Variants in MCPH1 observed in about 807,000 individuals in gnomAD.
The protein encoded by MCPH1 is microcephalin 1.
MCPH1 carries 104 observed loss-of-function variants against 84.5 expected under a neutral mutation model. The ratio of observed to expected loss-of-function variants is 1.23; its 90% CI spans 1.05 to 1.45. The LOEUF (loss-of-function observed/expected upper bound fraction) is 1.45. Ranked by LOEUF, MCPH1 falls within the 40% of genes most tolerant of loss-of-function variation. The probability of loss-of-function intolerance (pLI) is 0.00; values close to 1 mark genes in which losing one functional copy is unlikely to be tolerated. For missense variants in MCPH1, 1,498 were observed against 1,005.7 expected (o/e 1.49, Z -6.62); for synonymous variants, 514 against 366.8 (o/e 1.40, Z -4.58).
chr8:6,480,986 G>GCT, intron 11 of MCPH1, 110 bp downstream of exon 11: 1 of 1,282,084 alleles, frequency 7.8e-7, no homozygotes, highest in Non-Finnish European at 1.1e-6. Context: ...TTGTGGATCT[G>GCT]CACACTTTCC....
At chr8:6,601,724 C>G (rs1829385201) in intron 12 of MCPH1, among the ~76,000 whole-genome samples, 1 of 148,108 alleles carries the variant, frequency 6.8e-6, no homozygotes, top group South Asian at 2.2e-4. Context: ...CACACACACA[C>G]CCAATCACAT....
chr8:6,467,999 C>G (rs1453905973), intron 9 of MCPH1, among the ~76,000 whole-genome samples: 1 of 152,114 alleles, frequency 6.6e-6, no homozygotes, highest in Non-Finnish European at 1.5e-5. Flanking sequence ...CATATTTTTC[C>G]CCAAGTTCAG....
intron 12 of MCPH1, among the ~76,000 whole-genome samples, chr8:6,584,535 G>T (rs543181635): frequency 1.3e-5 from 2 of 152,132 alleles, no homozygotes; most frequent in East Asian, 3.9e-4. Context: ...AATAAACTTG[G>T]TACCAGAACA....
At chr8:6,419,537 C>T (rs888379731) in intron 3 of MCPH1, among the ~76,000 whole-genome samples, 127 of 149,936 alleles carry the variant, frequency 8.5e-4, no homozygotes, top group Non-Finnish European at 1.4e-3. Context: ...GGACTACAGG[C>T]GCCCACCACC....
rs188438342 is a variant in MCPH1, at chr8:6,519,252, T to G, written c.2214+19323T>G. 3.9e-5 allele frequency among the ~76,000 whole-genome samples: 6 copies of G among 152,234 alleles called. No individual in the cohort carries two copies. The East Asian group carries it at 9.7e-4, about 25-fold the overall frequency. On this transcript the variant is annotated intron_variant, in intron 12 of 13. Transcript: ENST00000344683. ...AGACCATGTCACCAAGTCCACAGGTTGAAACTGTTTTCACGATGCTAAGAC... is the reference window on the plus strand; with the variant it reads ...AGACCATGTCACCAAGTCCACAGGTGGAAACTGTTTTCACGATGCTAAGAC...
chr8:6,626,088 C>T, intron 13 of MCPH1: 2 of 985,436 alleles, frequency 2.0e-6, no homozygotes, highest in African/African-American at 1.7e-5. Context: ...TCAAGACCAA[C>T]AACTCCATAT....
rs1302501966 is a variant in MCPH1, at chr8:6,406,641, C to A, written c.-27C>A. 2.5e-6 allele frequency: 4 copies of A among 1,610,812 alleles called. No homozygotes were observed. The East Asian group carries it at 6.7e-5, about 27-fold the overall frequency. ...GCCAGGCTCGCAAGCACCGCGTAGG[C>A]CAGCTGGCCGGATCCCGCCGTCTGT... On this transcript the variant is annotated 5_prime_UTR_variant, in exon 1 of 14. Transcript: ENST00000344683.
chr8:6,446,362 T>A (rs979275720), intron 8 of MCPH1: 8 of 984,622 alleles, frequency 8.1e-6, no homozygotes, highest in Non-Finnish European at 9.6e-6. Context: ...ATGATTTCTC[T>A]GCTCTACAAA....
chr8:6,539,671 C>T (rs748876520), intron 12 of MCPH1, among the ~76,000 whole-genome samples: 182 of 152,308 alleles, frequency 1.2e-3, no homozygotes, highest in Non-Finnish European at 1.8e-3. Flanking sequence ...ACTGCAACCT[C>T]TGCCTCCCTG....
At chr8:6,483,321 TG>T (rs1188782517) in intron 11 of MCPH1, among the ~76,000 whole-genome samples, 6 of 152,196 alleles carry the variant, frequency 3.9e-5, no homozygotes, top group Admixed American at 2.6e-4. Flanking sequence ...ACAGACAAAC[TG>T]GTTCTAAAAT....
At chr8:6,584,411 A>T (rs1035504610) in intron 12 of MCPH1, among the ~76,000 whole-genome samples, 2 of 152,216 alleles carry the variant, frequency 1.3e-5, no homozygotes, top group Non-Finnish European at 1.5e-5. Flanking sequence ...AAAAGGAGAC[A>T]CAGCAGATGG....
chr8:6,476,156 C>T (rs1435799134), intron 9 of MCPH1, among the ~76,000 whole-genome samples: 5 of 152,014 alleles, frequency 3.3e-5, no homozygotes, highest in African/African-American at 1.2e-4. Flanking sequence ...AGGCCAGGCG[C>T]GGTGGCTCAC....
chr8:6,409,578 G>C (rs759761067), intron 2 of MCPH1, among the ~76,000 whole-genome samples: 6 of 152,126 alleles, frequency 3.9e-5, no homozygotes, highest in Non-Finnish European at 8.8e-5. Context: ...TGAGGAGGAG[G>C]AACCTAGGAT....
chr8:6,415,295 C>CTT (rs55718615), intron 3 of MCPH1, among the ~76,000 whole-genome samples: 7 of 145,200 alleles, frequency 4.8e-5, no homozygotes, highest in Admixed American at 6.8e-5. Context: ...TTGGTATCTT[C>CTT]TTTTTTTTTT....
rs201366514 is a variant in MCPH1, at chr8:6,406,645, C to T, written c.-23C>T. Reference sequence around the variant, plus strand: ...GGCTCGCAAGCACCGCGTAGGCCAGCTGGCCGGATCCCGCCGTCTGTCATG... The same window carrying T: ...GGCTCGCAAGCACCGCGTAGGCCAGTTGGCCGGATCCCGCCGTCTGTCATG... On this transcript the variant is annotated 5_prime_UTR_variant, in exon 1 of 14. Transcript: ENST00000344683. 5.6e-6 allele frequency: 9 copies of T among 1,611,142 alleles called. No homozygotes were observed. In the African/African-American group the frequency reaches 8.0e-5, roughly 14 times the overall value.
At chr8:6,416,363 A>T (rs1233400537) in intron 3 of MCPH1, among the ~76,000 whole-genome samples, 1 of 152,154 alleles carries the variant, frequency 6.6e-6, no homozygotes, top group African/African-American at 2.4e-5. Flanking sequence ...AGAAGTGGTG[A>T]GAATGGACGT....
intron 13 of MCPH1, among the ~76,000 whole-genome samples, chr8:6,642,362 G>A (rs1586907024): frequency 6.6e-6 from 1 of 152,128 alleles, no homozygotes; most frequent in South Asian, 2.1e-4. Context: ...CACCTGTGCT[G>A]ACCCTTCAGC....
chr8:6,438,860 C>T (rs1183732540), intron 5 of MCPH1, 93 bp from the exon 6 acceptor site: 34 of 1,146,840 alleles, frequency 3.0e-5, no homozygotes, highest in African/African-American at 1.4e-4. Flanking sequence ...AGAAGGAAAA[C>T]GGGGTGTGGG....
intron 13 of MCPH1, among the ~76,000 whole-genome samples, chr8:6,641,935 C>G (rs747523625): frequency 2.0e-5 from 3 of 152,174 alleles, no homozygotes; most frequent in African/African-American, 7.2e-5. Flanking sequence ...GGGTCCCTCA[C>G]TGACCCAGGC....
Sources: allele counts gnomAD v4.1 joint callset (sites outside exome capture counted in the v4.1 genomes callset), GRCh38; gene constraint gnomAD v4.1.1; transcripts MANE v1.5; gene names NCBI Gene and HGNC (gene_info 2026-07-23, HGNC 2026-07-21).